Variants in EPHA6 observed in about 807,000 individuals in gnomAD.
EPHA6 encodes the protein EPH receptor A6, also known as ephrin type-A receptor 6.
In EPHA6, 50 loss-of-function variants were observed where a neutral mutation model predicts 112.0. That is an observed-to-expected ratio of 0.45 (90% CI 0.36 to 0.56). The LOEUF is 0.56. EPHA6 is among the 20% of genes least tolerant of loss of function. The probability of loss-of-function intolerance (pLI) is 0.00; values close to 1 mark genes in which losing one functional copy is unlikely to be tolerated. For synonymous variants in EPHA6, 529 were observed against 490.7 expected (o/e 1.08, Z -1.03); for missense variants, 1,280 against 1,417.4 (o/e 0.90, Z 1.56).
At chr3:97,534,986 A>G (rs1307475658) in intron 11 of EPHA6, among the ~76,000 whole-genome samples, 2 of 152,052 alleles carry the variant, frequency 1.3e-5, no homozygotes, top group Non-Finnish European at 2.9e-5. Flanking sequence ...TTCTTACTTT[A>G]ATAAATCAAA....
intron 13 of EPHA6, among the ~76,000 whole-genome samples, chr3:97,637,425 T>G (rs1468493775): frequency 6.6e-6 from 1 of 152,172 alleles, no homozygotes; most frequent in Non-Finnish European, 1.5e-5. Flanking sequence ...TTTTTCACAG[T>G]ATCTCCAGTT....
chr3:97,350,155 A>G (rs1356698080), intron 5 of EPHA6, among the ~76,000 whole-genome samples: 2 of 151,998 alleles, frequency 1.3e-5, no homozygotes, highest in South Asian at 2.1e-4. Context: ...GTAGAGAAAG[A>G]ATGAGATATC....
chr3:97,208,252 A>G (rs77992067), intron 3 of EPHA6, among the ~76,000 whole-genome samples: 2,398 of 152,280 alleles, frequency 0.016, 32 homozygotes, highest in Non-Finnish European at 0.026. Context: ...CTTCAATTCA[A>G]TATTTACAGA....
At position 96,954,773 on chromosome 3, in the gene EPHA6, CTTTTTTTTTTTTT is replaced by C. The variant is rs10612575; in HGVS notation, c.451-32538_451-32526del. Among the ~76,000 whole-genome samples, 6 of 72,646 alleles carry C rather than the reference CTTTTTTTTTTTTT, an allele frequency of 8.3e-5. No homozygotes were observed. In the Admixed American group the frequency reaches 9.3e-4, roughly 11 times the overall value. 47.7% of individuals were successfully genotyped at this position (72,646 alleles called of 152,430 possible). A position where few individuals can be genotyped will look rare whatever the true frequency, so the allele number is the denominator to read the frequency against. On this transcript the variant is annotated intron_variant, in intron 2 of 17. Transcript: ENST00000389672. ...TAGTCTTAAATTTTTACTGGTGTGC[CTTTTTTTTTTTTT>C]TTTTTTTTTTTTTTTTTTGAGACGG...
chr3:97,120,463 A>C (rs1305564517), intron 3 of EPHA6, among the ~76,000 whole-genome samples: 1 of 151,916 alleles, frequency 6.6e-6, no homozygotes, highest in African/African-American at 2.4e-5. Context: ...AAAAGCTTAA[A>C]AGTTAACCAC....
At chr3:97,171,073 T>G (rs901399471) in intron 3 of EPHA6, among the ~76,000 whole-genome samples, 4 of 152,132 alleles carry the variant, frequency 2.6e-5, no homozygotes, top group African/African-American at 9.7e-5. Flanking sequence ...GTGTAGGAAC[T>G]AACCAGGAAA....
chr3:97,449,244 A>G (rs530963490), intron 7 of EPHA6, among the ~76,000 whole-genome samples: 1 of 152,228 alleles, frequency 6.6e-6, no homozygotes, highest in South Asian at 2.1e-4. Context: ...TGGGAGATGA[A>G]GGGAGTGAGA....
chr3:97,269,425 A>G (rs2079807646), intron 5 of EPHA6, among the ~76,000 whole-genome samples: 1 of 152,170 alleles, frequency 6.6e-6, no homozygotes, highest in Non-Finnish European at 1.5e-5. Context: ...ATGCATATGA[A>G]TCACCTGGAA....
At chr3:96,868,086 G>A (rs918692953) in intron 2 of EPHA6, among the ~76,000 whole-genome samples, 2 of 151,526 alleles carry the variant, frequency 1.3e-5, no homozygotes, top group African/African-American at 2.4e-5. Context: ...GTATTGTTGA[G>A]TATATTAAGT....
At chr3:97,535,036 T>G (rs1434711656) in intron 11 of EPHA6, among the ~76,000 whole-genome samples, 1 of 139,764 alleles carries the variant, frequency 7.2e-6, no homozygotes, top group Admixed American at 7.2e-5. Flanking sequence ...ACATCTATCC[T>G]TTCTCAATCA....
intron 3 of EPHA6, among the ~76,000 whole-genome samples, chr3:97,120,912 A>C (rs1001448437): frequency 6.6e-6 from 1 of 152,012 alleles, no homozygotes; most frequent in African/African-American, 2.4e-5. Context: ...CTTCTAAAAA[A>C]CATTTAATAT....
At chr3:97,230,498 T>A (rs756565946) in intron 4 of EPHA6, among the ~76,000 whole-genome samples, 1 of 152,150 alleles carries the variant, frequency 6.6e-6, no homozygotes, top group Non-Finnish European at 1.5e-5. Context: ...TTATTCAAAG[T>A]AGAAGCAAAG....
At chr3:97,324,870 T>C (rs1326880965) in intron 5 of EPHA6, among the ~76,000 whole-genome samples, 1 of 152,054 alleles carries the variant, frequency 6.6e-6, no homozygotes, top group African/African-American at 2.4e-5. Context: ...GAAAAATATA[T>C]GATGAATTTA....
chr3:97,685,948 G>T (rs776871874), intron 14 of EPHA6, among the ~76,000 whole-genome samples: 2 of 151,754 alleles, frequency 1.3e-5, no homozygotes, highest in African/African-American at 2.4e-5. Context: ...TAAATTTTTT[G>T]GTAAATCTCT....
intron 3 of EPHA6, among the ~76,000 whole-genome samples, chr3:97,204,260 T>G (rs1367954049): frequency 6.6e-6 from 1 of 152,100 alleles, no homozygotes; most frequent in African/African-American, 2.4e-5. Flanking sequence ...GCTCCAGAAA[T>G]ATAAACATTT....
intron 2 of EPHA6, among the ~76,000 whole-genome samples, chr3:96,986,692 G>A (rs528412720): frequency 2.0e-5 from 3 of 152,180 alleles, no homozygotes; most frequent in East Asian, 1.9e-4. Flanking sequence ...TCCAAAGTAA[G>A]CTTTATAAAG....
At chr3:96,869,324 T>C (rs189664476) in intron 2 of EPHA6, among the ~76,000 whole-genome samples, 1 of 151,498 alleles carries the variant, frequency 6.6e-6, no homozygotes, top group East Asian at 1.9e-4. Context: ...AAAGGAGAGG[T>C]TAATTCTGGT....
At chr3:97,420,847 A>G (rs1278646958) in intron 6 of EPHA6, among the ~76,000 whole-genome samples, 1 of 105,726 alleles carries the variant, frequency 9.5e-6, no homozygotes, top group Non-Finnish European at 1.7e-5. Context: ...ACAAACAGAC[A>G]AAAAAAAAAA....
rs542727364 is a variant in EPHA6 at position 97,580,558 on chromosome 3, A to G, written c.2387-12054A>G. ...GGGTCCTCATTTTGAACTCAGTTTA[A>G]TGGCCTTTCAAGGATAGCCTGATGA... On this transcript the variant is annotated intron_variant, in intron 11 of 17. Transcript: ENST00000389672. Among the ~76,000 whole-genome samples, 136 of 152,288 alleles carry G rather than the reference A, an allele frequency of 8.9e-4. 1 individual carries two copies. Among genetic ancestry groups the G allele is most frequent in the African/African-American group, 2.6e-3 (109 of 41,570 alleles).
Sources: gnomAD v4.1 joint callset for allele counts (sites outside exome capture counted in the v4.1 genomes callset) on GRCh38, gnomAD v4.1.1 for gene constraint, MANE v1.5 for transcripts, NCBI Gene and HGNC (gene_info 2026-07-23, HGNC 2026-07-21) for gene names.